Variants in PDLIM5 observed in about 807,000 individuals in gnomAD.
PDLIM5 encodes PDZ and LIM domain protein 5.
Under a neutral mutation model 64.2 loss-of-function variants are expected in PDLIM5, and 34 were observed. The observed-to-expected ratio is 0.53, with a 90% confidence interval of 0.40 to 0.71. The LOEUF is 0.71. Ranked by LOEUF, PDLIM5 falls within the 30% of genes least tolerant of loss-of-function variation. The pLI is 0.00. For missense variants in PDLIM5, 683 were observed against 733.6 expected, an observed-to-expected ratio of 0.93 and a Z score of 0.80; for synonymous variants, 253 against 269.1, an observed-to-expected ratio of 0.94 and a Z score of 0.59.
intron 7 of PDLIM5, chr4:94,610,277 T>C: frequency 6.6e-7 from 1 of 1,517,712 alleles, no homozygotes; most frequent in East Asian, 2.5e-5. Context: ...GCTGCTACTG[T>C]GTCTGCTGTT....
At chr4:94,565,423 CT>C (rs1303413247) in intron 3 of PDLIM5, among the ~76,000 whole-genome samples, 1 of 152,204 alleles carries the variant, frequency 6.6e-6, no homozygotes, top group African/African-American at 2.4e-5. Context: ...ATGCAGCCCC[CT>C]GTATCATGGG....
chr4:94,534,651 G>A (rs1338232759), intron 3 of PDLIM5, among the ~76,000 whole-genome samples: 2 of 152,226 alleles, frequency 1.3e-5, no homozygotes, highest in African/African-American at 4.8e-5. Context: ...AATAGCATAT[G>A]TAAAGAGCCT....
At chr4:94,627,414 T>C (rs1739786999) in intron 8 of PDLIM5, among the ~76,000 whole-genome samples, 1 of 152,258 alleles carries the variant, frequency 6.6e-6, no homozygotes. Flanking sequence ...TTCTCCCCAT[T>C]TTCTTCTCTT....
intron 2 of PDLIM5, among the ~76,000 whole-genome samples, chr4:94,486,841 A>G: frequency 6.6e-6 from 1 of 152,110 alleles, no homozygotes. Flanking sequence ...GTCTCTACAA[A>G]AAAGTTAAAA....
At chr4:94,510,413 T>G (rs879756249) in intron 2 of PDLIM5, among the ~76,000 whole-genome samples, 1 of 152,326 alleles carries the variant, frequency 6.6e-6, no homozygotes, top group Admixed American at 6.5e-5. Flanking sequence ...TTGTCTGTCT[T>G]CATGTGTTTG....
chr4:94,611,223 A>AG, intron 7 of PDLIM5: 1 of 1,528,950 alleles, frequency 6.5e-7, no homozygotes. Context: ...CAGATATGGC[A>AG]AGTGGTGGTT....
intron 3 of PDLIM5, among the ~76,000 whole-genome samples, chr4:94,539,908 A>G (rs1731637972): frequency 6.6e-6 from 1 of 152,162 alleles, no homozygotes; most frequent in Admixed American, 6.5e-5. Flanking sequence ...GGTTCAGATT[A>G]TAAAATGTCT....
chr4:94,534,469 T>C (rs1731149392), intron 3 of PDLIM5, among the ~76,000 whole-genome samples: 1 of 152,182 alleles, frequency 6.6e-6, no homozygotes, highest in Non-Finnish European at 1.5e-5. Context: ...GAGGTGGACA[T>C]AAAGAGATTT....
At chr4:94,663,440 T>C (rs975984664) in intron 12 of PDLIM5, among the ~76,000 whole-genome samples, 8 of 152,148 alleles carry the variant, frequency 5.3e-5, no homozygotes, top group Non-Finnish European at 7.4e-5. Context: ...ACTGACTGTA[T>C]AATCCTCAGC....
intron 2 of PDLIM5, among the ~76,000 whole-genome samples, chr4:94,487,474 A>G (rs981389829): frequency 3.9e-5 from 6 of 152,236 alleles, no homozygotes; most frequent in Admixed American, 2.0e-4. Context: ...TATGTTCTTC[A>G]ATTTACAATT....
intron 9 of PDLIM5, among the ~76,000 whole-genome samples, chr4:94,651,605 C>T (rs1741849680): frequency 6.6e-6 from 1 of 152,136 alleles, no homozygotes; most frequent in Admixed American, 6.5e-5. Context: ...AAAATAATGA[C>T]CTGCCCACTT....
intron 7 of PDLIM5, chr4:94,608,017 A>C: frequency 7.1e-7 from 1 of 1,402,068 alleles, no homozygotes; most frequent in Non-Finnish European, 9.6e-7. Flanking sequence ...ACTTTTCATT[A>C]ATATTTCCTT....
intron 8 of PDLIM5, among the ~76,000 whole-genome samples, chr4:94,623,993 C>T (rs1739458700): frequency 6.6e-6 from 1 of 151,850 alleles, no homozygotes; most frequent in Non-Finnish European, 1.5e-5. Flanking sequence ...GTTGTAAAGC[C>T]CCATGATAGG....
intron 3 of PDLIM5, among the ~76,000 whole-genome samples, chr4:94,566,655 G>T (rs1018818251): frequency 1.3e-5 from 2 of 152,110 alleles, no homozygotes; most frequent in African/African-American, 4.8e-5. Flanking sequence ...TCAGCTATTT[G>T]TTCTATTCCT....
intron 3 of PDLIM5, among the ~76,000 whole-genome samples, chr4:94,562,421 T>C (rs893064742): frequency 6.6e-6 from 1 of 152,240 alleles, no homozygotes; most frequent in East Asian, 1.9e-4. Flanking sequence ...TGATACCCAC[T>C]GTGATAAAAG....
At chr4:94,502,706 A>G (rs529005642) in intron 2 of PDLIM5, among the ~76,000 whole-genome samples, 11 of 152,128 alleles carry the variant, frequency 7.2e-5, no homozygotes, top group Admixed American at 3.3e-4. Flanking sequence ...GTGAAACCCC[A>G]TCTCTACTAA....
chr4:94,608,140 A>G (rs1337948903), intron 7 of PDLIM5: 2 of 1,530,610 alleles, frequency 1.3e-6, no homozygotes, highest in African/African-American at 2.7e-5. Flanking sequence ...TTGGTAGCCA[A>G]GTGGCCACAC....
At chr4:94,582,664 AT>A in intron 5 of PDLIM5, 1 of 1,266,852 alleles carries the variant, frequency 7.9e-7, no homozygotes, top group Non-Finnish European at 1.1e-6. Flanking sequence ...GGGAACATCA[AT>A]GTCTTCTCTA....
intron 7 of PDLIM5, among the ~76,000 whole-genome samples, chr4:94,589,973 C>T (rs1460094832): frequency 1.3e-5 from 2 of 152,012 alleles, no homozygotes; most frequent in Non-Finnish European, 2.9e-5. Flanking sequence ...GACAGGGTTT[C>T]ACCATGTTGG....
Sources: gnomAD v4.1 joint callset for allele counts (sites outside exome capture counted in the v4.1 genomes callset) on GRCh38, gnomAD v4.1.1 for gene constraint, MANE v1.5 for transcripts, NCBI Gene and HGNC (gene_info 2026-07-23, HGNC 2026-07-21) for gene names.